The following KCNG3 variants were observed in gnomAD, a reference collection of about 807,000 sequenced individuals.
KCNG3 encodes voltage-gated potassium channel regulatory subunit KCNG3.
A neutral mutation model predicts 29.0 loss-of-function variants in KCNG3; 15 were observed. The ratio of observed to expected loss-of-function variants is 0.52; its 90% CI spans 0.35 to 0.80. KCNG3 has a LOEUF of 0.80. Ranked by LOEUF, KCNG3 falls within the 30% of genes least tolerant of loss-of-function variation. KCNG3 has a pLI of 0.01. For missense variants in KCNG3, 512 were observed against 605.7 expected, an observed-to-expected ratio of 0.85 and a Z score of 1.62; for synonymous variants, 322 against 248.9, an observed-to-expected ratio of 1.29 and a Z score of -2.76.
chr2:42,392,916 T>A, the KCNG3 span, among the ~76,000 whole-genome samples: 1 of 152,026 alleles, frequency 6.6e-6, no homozygotes, highest in African/African-American at 2.4e-5. Context: ...AACAAAACTG[T>A]CTATGGGAGT....
At chr2:42,416,472 C>T in the KCNG3 span, among the ~76,000 whole-genome samples, 1 of 152,024 alleles carries the variant, frequency 6.6e-6, no homozygotes, top group African/African-American at 2.4e-5. Flanking sequence ...ACCTAAAGAT[C>T]ATGAAAAACA....
At chr2:42,403,998 CTAAG>C in the KCNG3 span, among the ~76,000 whole-genome samples, 1 of 152,300 alleles carries the variant, frequency 6.6e-6, no homozygotes, top group South Asian at 2.1e-4. Flanking sequence ...ACAAAATAAG[CTAAG>C]TAACTGTTTC....
chr2:42,404,522 G>C, the KCNG3 span, among the ~76,000 whole-genome samples: 104 of 152,168 alleles, frequency 6.8e-4, no homozygotes, highest in African/African-American at 2.4e-3. Flanking sequence ...TGAGCTCAAG[G>C]GTTTGAGACC....
chr2:42,393,005 C>A, the KCNG3 span, among the ~76,000 whole-genome samples: 2 of 152,010 alleles, frequency 1.3e-5, no homozygotes, highest in Non-Finnish European at 2.9e-5. Context: ...CAGTCTAGCA[C>A]AAAGTTTACA....
At chr2:42,432,496 T>C in the KCNG3 span, among the ~76,000 whole-genome samples, 121 of 152,266 alleles carry the variant, frequency 7.9e-4, no homozygotes, top group Admixed American at 2.7e-3. Flanking sequence ...GCTCTAACAT[T>C]GACGATTCAA....
At chr2:42,432,874 C>A in the KCNG3 span, among the ~76,000 whole-genome samples, 1 of 149,554 alleles carries the variant, frequency 6.7e-6, no homozygotes, top group Admixed American at 6.7e-5. Flanking sequence ...AGTACAACAA[C>A]TTAACTCACG....
chr2:42,414,516 G>T, the KCNG3 span, among the ~76,000 whole-genome samples: 1 of 147,560 alleles, frequency 6.8e-6, no homozygotes. Context: ...CCAATATTTT[G>T]TCATTTCACT....
chr2:42,433,680 G>A, the KCNG3 span, among the ~76,000 whole-genome samples: 34 of 152,158 alleles, frequency 2.2e-4, no homozygotes, highest in Non-Finnish European at 3.1e-4. Context: ...TGGGGGTGCA[G>A]TGAGCTGTGA....
chr2:42,489,764 G>A (rs559037765), intron 1 of KCNG3, among the ~76,000 whole-genome samples: 1 of 152,336 alleles, frequency 6.6e-6, no homozygotes, highest in African/African-American at 2.4e-5. Flanking sequence ...ACTGCAAGTG[G>A]CAGAGGATAC....
At chr2:42,449,012 C>A (rs1460576392) in intron 1 of KCNG3, among the ~76,000 whole-genome samples, 3 of 151,884 alleles carry the variant, frequency 2.0e-5, no homozygotes, top group Non-Finnish European at 4.4e-5. Flanking sequence ...CATGCTTATA[C>A]AGACAGCCAA....
chr2:42,414,277 T>C, the KCNG3 span, among the ~76,000 whole-genome samples: 1 of 152,192 alleles, frequency 6.6e-6, no homozygotes, highest in Non-Finnish European at 1.5e-5. Context: ...GTTCTTTTGG[T>C]CCTTGTGTGT....
intron 1 of KCNG3, among the ~76,000 whole-genome samples, chr2:42,453,368 G>T (rs899695468): frequency 6.6e-6 from 1 of 152,088 alleles, no homozygotes; most frequent in Non-Finnish European, 1.5e-5. Flanking sequence ...ATTTGTTATT[G>T]TCTGTCTTTT....
intron 1 of KCNG3, among the ~76,000 whole-genome samples, chr2:42,465,897 A>C (rs552456730): frequency 1.8e-4 from 28 of 152,328 alleles, no homozygotes; most frequent in African/African-American, 6.3e-4. Context: ...TCATCAGAGA[A>C]ATTAACACCA....
chr2:42,395,016 G>A, the KCNG3 span, among the ~76,000 whole-genome samples: 1 of 152,066 alleles, frequency 6.6e-6, no homozygotes, highest in African/African-American at 2.4e-5. Flanking sequence ...GCGATGGCTG[G>A]GACAAATCTT....
At chr2:42,407,289 C>A in the KCNG3 span, among the ~76,000 whole-genome samples, 1 of 151,826 alleles carries the variant, frequency 6.6e-6, no homozygotes, top group African/African-American at 2.4e-5. Flanking sequence ...AATCCTCCCA[C>A]CTCAGCCTCC....
At chr2:42,429,024 G>T in the KCNG3 span, among the ~76,000 whole-genome samples, 2 of 151,876 alleles carry the variant, frequency 1.3e-5, no homozygotes, top group African/African-American at 4.8e-5. Flanking sequence ...GAGGCTGAGG[G>T]AGGAGGATCA....
Position 42,466,407 on chromosome 2 carries a change from C to G in KCNG3, c.666-21828G>C, listed in dbSNP as rs561952828. 1.1e-4 allele frequency among the ~76,000 whole-genome samples: 16 copies of G among 152,258 alleles called. No homozygotes were observed. In the East Asian group the frequency reaches 2.3e-3, roughly 22 times the overall value. ...TCAGCAACAGAGAGAGACTCTGTCT[C>G]AAACAAACAAAAACAAAAACAAAAA... On this transcript the variant is annotated intron_variant, in intron 1 of 1. Transcript: ENST00000306078.
intron 1 of KCNG3, chr2:42,463,274 G>A (rs371962297): frequency 8.9e-6 from 2 of 225,576 alleles, no homozygotes; most frequent in East Asian, 2.2e-4. Context: ...GGCTAGGGTT[G>A]TACACTTTAG....
At chr2:42,445,384 A>G (rs912846036) in intron 1 of KCNG3, among the ~76,000 whole-genome samples, 22 of 152,138 alleles carry the variant, frequency 1.4e-4, no homozygotes, top group African/African-American at 4.6e-4. Flanking sequence ...ATCATTTCCT[A>G]AAACGTGAAT....
Sources: allele counts gnomAD v4.1 joint callset (sites outside exome capture counted in the v4.1 genomes callset), GRCh38; gene constraint gnomAD v4.1.1; transcripts MANE v1.5; gene names NCBI Gene and HGNC (gene_info 2026-07-23, HGNC 2026-07-21).